Variants in KLRC1 observed in about 807,000 individuals in gnomAD.
KLRC1 encodes NKG2-A/NKG2-B type II integral membrane protein.
Under a neutral mutation model 25.9 loss-of-function variants are expected in KLRC1, and 22 were observed. The ratio of observed to expected loss-of-function variants is 0.85; its 90% CI spans 0.61 to 1.21. The LOEUF (loss-of-function observed/expected upper bound fraction) is 1.21. KLRC1 is among the 50% of genes most tolerant of loss of function. The pLI is 0.00. For synonymous variants in KLRC1, 77 were observed against 93.1 expected, an observed-to-expected ratio of 0.83 and a Z score of 0.99; for missense variants, 240 against 272.2, an observed-to-expected ratio of 0.88 and a Z score of 0.83.
Position 10,451,178 on chromosome 12 carries a change from GGA to G in KLRC1, c.-24_-23del, listed in dbSNP as rs764962708. On this transcript the variant is annotated 5_prime_UTR_variant, in exon 2 of 7. It removes the in-frame stop codon of an upstream open reading frame in the 5' UTR. Coordinates refer to ENST00000359151, the MANE Select transcript of KLRC1 (RefSeq NM_002259.5). ...CCATCTCTGCAGTGTGTGATGTCAG[GGA>G]CTGTACTCTATAATAACAGTAGTTA... The G allele has an allele frequency of 8.2e-6, 13 of 1,587,616 alleles. No individual in the cohort carries two copies. In the South Asian group the frequency reaches 1.5e-4, roughly 18 times the overall value.
intron 1 of KLRC1, among the ~76,000 whole-genome samples, chr12:10,451,862 A>G (rs1864133355): frequency 6.6e-6 from 1 of 152,080 alleles, no homozygotes; most frequent in Admixed American, 6.6e-5. Context: ...GTAATGGTTA[A>G]GACTATGTGG....
At position 10,450,997 on chromosome 12, in the gene KLRC1, C is replaced by T. The variant is rs1399568705; in HGVS notation, c.160G>A (p.Gly54Arg). Residue 54 changes from glycine (G) to arginine (R), a missense_variant, in exon 2 of 7, where the codon GGG becomes AGG. Transcript: ENST00000359151. Reference protein sequence around the residue: ...NLQKASQDFQGNDKTYHCKDL... With the variant: ...NLQKASQDFQRNDKTYHCKDL... ...TTGCAGTGATAGGTTTTGTCATTCC[C>T]TTGAAAATCCTGAGAAGCTTTTTGA... 1 of 1,612,814 alleles carries T rather than the reference C, an allele frequency of 6.2e-7. No homozygotes were observed. Among genetic ancestry groups the T allele is most frequent in the South Asian group, 1.1e-5 (1 of 90,840 alleles).
intron 2 of KLRC1, 109 bp downstream of exon 2, chr12:10,450,861 A>T: frequency 1.2e-6 from 1 of 831,176 alleles, no homozygotes; most frequent in Non-Finnish European, 1.9e-6. Flanking sequence ...TGGAATTCTG[A>T]TCTTTGCAAA....
At chr12:10,445,398 A>T (rs1863965449), downstream of KLRC1, among the ~76,000 whole-genome samples, 2 of 152,164 alleles carry the variant, frequency 1.3e-5, no homozygotes, top group African/African-American at 2.4e-5. Flanking sequence ...TCTATTAGAA[A>T]ATAGGAATAT....
At chr12:10,449,818 T>C in intron 4 of KLRC1, 96 bp downstream of exon 4, 2 of 1,042,500 alleles carry the variant, frequency 1.9e-6, no homozygotes, top group Non-Finnish European at 2.6e-6. Flanking sequence ...TATTGCCAAA[T>C]TTTATAATTT....
intron 2 of KLRC1, 54 bp from the exon 3 acceptor site, chr12:10,450,633 A>G: frequency 2.6e-6 from 3 of 1,148,740 alleles, no homozygotes; most frequent in Non-Finnish European, 3.9e-6. Context: ...ACAGTCGTTT[A>G]GAAGATTCAC....
At chr12:10,443,092 C>A (rs914794970), downstream of KLRC1, among the ~76,000 whole-genome samples, 32 of 135,442 alleles carry the variant, frequency 2.4e-4, 7 homozygotes, top group African/African-American at 8.9e-4. Context: ...TTTGATAGCA[C>A]AACAGGGTCA....
chr12:10,450,725 C>T (rs944292320), intron 2 of KLRC1, 146 bp from the exon 3 acceptor site: 1 of 638,190 alleles, frequency 1.6e-6, no homozygotes, highest in African/African-American at 1.8e-5. Flanking sequence ...ATCTTTTTCT[C>T]AGAATAATAT....
Position 10,446,661 on chromosome 12 carries a change from T to C in KLRC1, c.592A>G (p.Ile198Val). Residue 198 changes from isoleucine to valine, a missense_variant and splice_region_variant, in exon 7 of 7, where the codon ATA becomes GTA. Coordinates refer to ENST00000359151, the MANE Select transcript of KLRC1 (RefSeq NM_002259.5). ...AGTTCAGCATTATCTGAGTCTTTTA[T>C]CCTGTAATGGAGAAAAATCCATATT... ...TMNGLAFKHE[I>V]KDSDNAELNC... The C allele has an allele frequency of 2.5e-6, 4 of 1,613,738 alleles. No homozygotes were observed. Among genetic ancestry groups the C allele is most frequent in the Middle Eastern group, 1.7e-4 (1 of 6,054 alleles).
rs1044123424 is a variant in KLRC1 at position 10,450,998 on chromosome 12, T to G, written c.159A>C (p.Gln53His). 6.8e-6 allele frequency: 11 copies of G among 1,613,202 alleles called. No homozygotes were observed. The East Asian group carries it at 2.5e-4, about 36-fold the overall frequency. The change falls in exon 2 of 7, where the codon CAA becomes CAC. Residue 53 changes from glutamine (Q) to histidine (H), a missense_variant. Coordinates refer to ENST00000359151, the MANE Select transcript of KLRC1 (RefSeq NM_002259.5). ...LNLQKASQDF[Q>H]GNDKTYHCKD... ...TGCAGTGATAGGTTTTGTCATTCCC[T>G]TGAAAATCCTGAGAAGCTTTTTGAA...
At chr12:10,450,666 A>C (rs1306574769) in intron 2 of KLRC1, 87 bp from the exon 3 acceptor site, 2 of 837,676 alleles carry the variant, frequency 2.4e-6, no homozygotes, top group East Asian at 4.9e-5. Context: ...CTGAATGCAC[A>C]GGAATCATAC....
intron 4 of KLRC1, 118 bp from the exon 5 acceptor site, chr12:10,449,506 G>C (rs139685995): frequency 3.0e-5 from 45 of 1,493,220 alleles, no homozygotes; most frequent in Non-Finnish European, 4.0e-5. Context: ...ACATCTTCAT[G>C]GGCTGGTAAA....
Position 10,446,665 on chromosome 12 carries a change from G to C in KLRC1, c.591-3C>G, listed in dbSNP as rs762242349. ...CAGCATTATCTGAGTCTTTTATCCT[G>C]TAATGGAGAAAAATCCATATTCTGT... On this transcript the variant is annotated splice_polypyrimidine_tract_variant and splice_region_variant and intron_variant, in intron 6 of 6. Coordinates refer to ENST00000359151, the MANE Select transcript of KLRC1 (RefSeq NM_002259.5). The C allele has an allele frequency of 3.0e-5, 49 of 1,612,974 alleles. No individual in the cohort carries two copies. The highest frequency in any genetic ancestry group is 2.5e-4 in the South Asian group (23 of 91,074).
chr12:10,450,217 C>T, intron 3 of KLRC1: 1 of 431,050 alleles, frequency 2.3e-6, no homozygotes, highest in Non-Finnish European at 4.0e-6. Context: ...AAATTAATTT[C>T]TATTTCTCAG....
chr12:10,452,332 A>G lies in KLRC1; in HGVS notation c.-32+866T>C, dbSNP rs1864142489. On this transcript the variant is annotated intron_variant, in intron 1 of 6. Transcript: ENST00000359151. Reference sequence around the variant, plus strand: ...CCACTTTAGTTGTATAAGTACTTGTAAAATTTCAGATAATGTAATTAAATC... The same window carrying G: ...CCACTTTAGTTGTATAAGTACTTGTGAAATTTCAGATAATGTAATTAAATC... 2.0e-5 allele frequency among the ~76,000 whole-genome samples: 3 copies of G among 152,302 alleles called. No individual in the cohort carries two copies. The South Asian group carries it at 6.2e-4, about 32-fold the overall frequency.
Position 10,447,621 on chromosome 12 carries a change from G to T in KLRC1, c.501C>A (p.Ser167=). 6.3e-7 allele frequency: 1 copy of T among 1,599,788 alleles called. No individual in the cohort carries two copies. Among genetic ancestry groups the T allele is most frequent in the Non-Finnish European group, 8.5e-7 (1 of 1,173,182 alleles). The change falls in exon 6 of 7, where the codon TCC becomes TCA. Residue 167 remains serine (S), a synonymous_variant. Transcript: ENST00000359151. The stretch of plus-strand genomic sequence containing the variant: ...CAATCCATGAGGATGGTGAAATGAT[G>T]GACAGAAATTTCTAAAAGAAAAGAA... The part of the protein sequence containing the change: ...IDNEEEMKFL[S]IISPSSWIGV...
chr12:10,443,671 TCA>T (rs1458682790), downstream of KLRC1, among the ~76,000 whole-genome samples: 1 of 141,106 alleles, frequency 7.1e-6, no homozygotes, highest in African/African-American at 2.7e-5. Context: ...ATGCACACAC[TCA>T]CACACGTAGA....
At chr12:10,443,615 C>T (rs1300900198), downstream of KLRC1, among the ~76,000 whole-genome samples, 7 of 141,814 alleles carry the variant, frequency 4.9e-5, 2 homozygotes, top group African/African-American at 1.9e-4. Context: ...AAACAAGCCA[C>T]AGAGCTGACA....
intron 5 of KLRC1, 31 bp from the exon 6 acceptor site, chr12:10,447,663 T>A: frequency 6.6e-7 from 1 of 1,514,720 alleles, no homozygotes; most frequent in Non-Finnish European, 9.0e-7. Flanking sequence ...TTCACTTAAA[T>A]AATAATTATG....
Sources: allele counts gnomAD v4.1 joint callset (sites outside exome capture counted in the v4.1 genomes callset), GRCh38; gene constraint gnomAD v4.1.1; transcripts MANE v1.5; gene names NCBI Gene and HGNC (gene_info 2026-07-23, HGNC 2026-07-21).